Variants in CDC25B observed in about 807,000 individuals in gnomAD.
The protein encoded by CDC25B is M-phase inducer phosphatase 2.
In CDC25B, 33 loss-of-function variants were observed where a neutral mutation model predicts 69.8. The ratio of observed to expected loss-of-function variants is 0.47; its 90% CI spans 0.36 to 0.63. CDC25B has a LOEUF of 0.63. Among genes scored for constraint, CDC25B ranks in the 30% least tolerant of loss-of-function variants. The probability of loss-of-function intolerance (pLI) is 0.00; values close to 1 mark genes in which losing one functional copy is unlikely to be tolerated. For synonymous variants in CDC25B, 341 were observed against 314.6 expected (o/e 1.08, Z -0.89); for missense variants, 727 against 809.1 (o/e 0.90, Z 1.23).
At position 3,801,322 on chromosome 20, in the gene CDC25B, G is replaced by C; in HGVS notation, c.774G>C (p.Leu258=). ...CCCTGGCCCTAGGTCGCTTCTCTCTGACCCCTGCAGAGGGGGATACTGAGG... is the reference window on the plus strand; with the variant it reads ...CCCTGGCCCTAGGTCGCTTCTCTCTCACCCCTGCAGAGGGGGATACTGAGG... The part of the protein sequence containing the change: ...LSPLALGRFS[L]TPAEGDTEED... The change falls in exon 8 of 16, where the codon CTG becomes CTC. Residue 258 remains leucine (L), a synonymous_variant. Coordinates refer to ENST00000245960, the MANE Select transcript of CDC25B (RefSeq NM_021873.4). 1 of 1,614,142 alleles carries C rather than the reference G, an allele frequency of 6.2e-7. No individual in the cohort carries two copies. The highest frequency in any genetic ancestry group is 8.5e-7 in the Non-Finnish European group (1 of 1,180,006).
Position 3,803,710 on chromosome 20 carries a change from C to T in CDC25B, c.1490+173C>T, listed in dbSNP as rs558257220. On this transcript the variant is annotated intron_variant, in intron 14 of 15. Transcript: ENST00000245960. This position sits in a 1 kb window ranked among gnomAD's most constrained non-coding sequence, Gnocchi z 4.9. ...ACTTCACTGTGCATGGTACCCGCCT[C>T]CCATCTCCCTCACTGTCCTGCCTAT... 1.3e-5 allele frequency among the ~76,000 whole-genome samples: 2 copies of T among 152,302 alleles called. No individual in the cohort carries two copies. Among genetic ancestry groups the T allele is most frequent in the South Asian group, 2.1e-4 (1 of 4,824 alleles).
chr20:3,801,747 T>C lies in CDC25B; in HGVS notation c.866T>C (p.Met289Thr). 6.2e-7 allele frequency: 1 copy of C among 1,607,888 alleles called. No individual in the cohort carries two copies. Among genetic ancestry groups the C allele is most frequent in the Non-Finnish European group, 8.5e-7 (1 of 1,177,400 alleles). The part of the protein sequence containing the change: ...LKDDDAVPPG[M>T]ESLISAPLVK... ...GATGATGATGCAGTTCCCCCAGGCA[T>C]GGAGAGTCTCATTAGTGCCCCACTG... The change falls in exon 9 of 16, where the codon ATG (methionine) becomes ACG (threonine). Residue 289 changes from methionine to threonine, a missense_variant. Physicochemically the swap from Met to Thr is moderately conservative, Grantham distance 81. Coordinates refer to ENST00000245960, the MANE Select transcript of CDC25B (RefSeq NM_021873.4).
At chr20:3,797,781 C>T (rs1299539201) in intron 2 of CDC25B, 32 bp downstream of exon 2, 1 of 1,612,052 alleles carries the variant, frequency 6.2e-7, no homozygotes, top group African/African-American at 1.3e-5. Flanking sequence ...GGAGATCTGC[C>T]TGTGTCAGGA....
At chr20:3,787,096 A>G (rs2088838498) in exon 1 of CDC25B, 1 of 641,872 alleles carries the variant, frequency 1.6e-6, no homozygotes, top group Non-Finnish European at 2.8e-6. Flanking sequence ...GAAAAATTCA[A>G]GAAGTTGAAA....
chr20:3,803,229 G>A lies in CDC25B; in HGVS notation c.1356+23G>A, dbSNP rs1478818919. 6.3e-7 allele frequency: 1 copy of A among 1,592,300 alleles called. No individual in the cohort carries two copies. The highest frequency in any genetic ancestry group is 8.6e-7 in the Non-Finnish European group (1 of 1,161,606). ...AAGGTAAGATGGGGCAATGGGGAGA[G>A]GCCCTGAAGATCCCACCTGGTTTAG... On this transcript the variant is annotated intron_variant, in intron 13 of 15. Coordinates refer to ENST00000245960, the MANE Select transcript of CDC25B (RefSeq NM_021873.4). This position sits in a 1 kb window ranked among gnomAD's most constrained non-coding sequence, Gnocchi z 4.9.
In CDC25B at chr20:3,801,941, C is replaced by G. The variant is rs1322621683; in HGVS notation, c.939C>G (p.Ser313Arg). 5.0e-6 allele frequency: 8 copies of G among 1,611,980 alleles called. No homozygotes were observed. In the African/African-American group the frequency reaches 6.7e-5, roughly 13 times the overall value. ...CCTGCCAGGACCTCGTCATGTACAG[C>G]AAGTGCCAGCGGCTCTTCCGCTCTC... is the stretch of plus-strand genomic sequence containing the variant. Reference protein sequence around the residue: ...KEEEKDLVMYSKCQRLFRSPS... With the variant: ...KEEEKDLVMYRKCQRLFRSPS... The change falls in exon 10 of 16, where the codon AGC (serine) becomes AGG (arginine). Residue 313 changes from serine to arginine, a missense_variant. Ser to Arg is a moderately radical substitution (Grantham distance 110, BLOSUM62 -1). Transcript: ENST00000245960.
In CDC25B at chr20:3,803,320, T is replaced by C. The variant is rs1311831178; in HGVS notation, c.1357-84T>C. The C allele has an allele frequency of 6.3e-7, 1 of 1,599,518 alleles. No homozygotes were observed. The highest frequency in any genetic ancestry group is 8.6e-7 in the Non-Finnish European group (1 of 1,169,226). ...TGCCCCCTCTCATGGGGAGGGTTCC[T>C]ACTAAGAGAAGGACAGCGACTGCAC... On this transcript the variant is annotated intron_variant, in intron 13 of 15. Coordinates refer to ENST00000245960, the MANE Select transcript of CDC25B (RefSeq NM_021873.4). This position sits in a 1 kb window ranked among gnomAD's most constrained non-coding sequence, Gnocchi z 4.9.
chr20:3,796,521 G>A lies in CDC25B; in HGVS notation c.-11G>A, dbSNP rs2089057425. On this transcript the variant is annotated 5_prime_UTR_variant, in exon 1 of 16. Transcript: ENST00000245960. ...CGGCCCTCCAGCCAGCCTTCTGCCGGCCCCGCCGCGATGGAGGTGCCCCAG... is the reference window on the plus strand; with the variant it reads ...CGGCCCTCCAGCCAGCCTTCTGCCGACCCCGCCGCGATGGAGGTGCCCCAG... The A allele has an allele frequency of 2.0e-6, 3 of 1,484,566 alleles. No individual in the cohort carries two copies. Among genetic ancestry groups the A allele is most frequent in the African/African-American group, 1.5e-5 (1 of 67,928 alleles). 92.0% of individuals were successfully genotyped at this position (1,484,566 alleles called of 1,614,324 possible).
rs1416052635 is a variant in CDC25B, at chr20:3,804,538, C to T, written c.1491-31C>T. 2.7e-6 allele frequency: 4 copies of T among 1,460,042 alleles called. No individual in the cohort carries two copies. The African/African-American group carries it at 4.2e-5, about 15-fold the overall frequency. 90.4% of individuals were successfully genotyped at this position (1,460,042 alleles called of 1,614,324 possible). A position where few individuals can be genotyped will look rare whatever the true frequency, so the allele number is the denominator to read the frequency against. ...GATGTACAAGCCACTGCATGCCCCA[C>T]TCTGACCACACCCTGCCCATGACGC... On this transcript the variant is annotated intron_variant, in intron 14 of 15. Transcript: ENST00000245960.
At chr20:3,788,817 C>G (rs1347472448) in intron 1 of CDC25B, among the ~76,000 whole-genome samples, 1 of 150,420 alleles carries the variant, frequency 6.6e-6, no homozygotes, top group Non-Finnish European at 1.5e-5. Context: ...TTCTTTCCTT[C>G]CTTCCTTCCC....
chr20:3,791,787 G>A (rs57102475), upstream of CDC25B, among the ~76,000 whole-genome samples: 9,310 of 152,270 alleles, frequency 0.061, 333 homozygotes, highest in Non-Finnish European at 0.071. Context: ...TTACTGCATC[G>A]TTGTAAAAGC....
rs755956022 is a variant in CDC25B, at chr20:3,804,994, C to T, written c.*33C>T. On this transcript the variant is annotated 3_prime_UTR_variant, in exon 16 of 16. Coordinates refer to ENST00000245960, the MANE Select transcript of CDC25B (RefSeq NM_021873.4). ...GCGCCAGTCCTGCTACCTCCCTTGC[C>T]TTTCGAGGCCTGAAGCCAGCTGCCC... The T allele has an allele frequency of 1.9e-6, 3 of 1,598,874 alleles. No homozygotes were observed. The highest frequency in any genetic ancestry group is 2.6e-6 in the Non-Finnish European group (3 of 1,175,454).
At chr20:3,800,914 G>T (rs775276750) in intron 6 of CDC25B, 49 bp downstream of exon 6, 2 of 1,611,812 alleles carry the variant, frequency 1.2e-6, no homozygotes, top group Admixed American at 3.3e-5. Context: ...AGAGGAGGGG[G>T]CATGCTGGGG....
upstream of CDC25B, among the ~76,000 whole-genome samples, chr20:3,792,750 G>A (rs1568499456): frequency 6.6e-6 from 1 of 152,198 alleles, no homozygotes; most frequent in Non-Finnish European, 1.5e-5. Flanking sequence ...ACAGGTGTGA[G>A]CCACCGTGCC....
At chr20:3,792,654 G>A (rs186801900), upstream of CDC25B, among the ~76,000 whole-genome samples, 9 of 152,314 alleles carry the variant, frequency 5.9e-5, no homozygotes, top group Admixed American at 2.6e-4. Context: ...TTTTAGTAGA[G>A]ACAGGTTTTC....
intron 1 of CDC25B, chr20:3,787,149 T>G (rs757147641): frequency 4.5e-6 from 3 of 664,918 alleles, no homozygotes; most frequent in Non-Finnish European, 8.1e-6. Context: ...GGTAACATTT[T>G]GATACATTTC....
chr20:3,793,552 T>TG (rs1201373003), upstream of CDC25B, among the ~76,000 whole-genome samples: 1 of 145,008 alleles, frequency 6.9e-6, no homozygotes, highest in East Asian at 2.0e-4. Context: ...ATTTCTGTTT[T>TG]TTTTTTTTTG....
At chr20:3,790,475 C>T (rs2088896707) in intron 1 of CDC25B, among the ~76,000 whole-genome samples, 1 of 145,816 alleles carries the variant, frequency 6.9e-6, no homozygotes, top group Non-Finnish European at 1.5e-5. Context: ...ACCTCCGCCT[C>T]CCAGGTTCAA....
Position 3,805,062 on chromosome 20 carries a change from C to A in CDC25B, c.*101C>A. On this transcript the variant is annotated 3_prime_UTR_variant, in exon 16 of 16. Transcript: ENST00000245960. ...GAGGGCCTGCTGGAGGCCTCAGGTG[C>A]TGTCCATGGGAAAGATGGTGTGGGT... 1 of 1,248,824 alleles carries A rather than the reference C, an allele frequency of 8.0e-7. No homozygotes were observed. Among genetic ancestry groups the A allele is most frequent in the Non-Finnish European group, 1.1e-6 (1 of 911,066 alleles). The allele number at this position is 1,248,824 out of a possible 1,614,324, so 77.4% of individuals were successfully genotyped here.
Sources: allele counts gnomAD v4.1 joint callset (sites outside exome capture counted in the v4.1 genomes callset), GRCh38; gene constraint gnomAD v4.1.1; non-coding constraint Gnocchi (gnomAD v3.1); transcripts MANE v1.5; gene names NCBI Gene and HGNC (gene_info 2026-07-23, HGNC 2026-07-21).